Variants in MAFK observed in about 807,000 individuals in gnomAD.
The protein encoded by MAFK is transcription factor MafK.
MAFK carries 1 observed loss-of-function variant against 9.2 expected under a neutral mutation model. The ratio of observed to expected loss-of-function variants is 0.11; its 90% CI spans 0.04 to 0.52. The LOEUF is 0.52. Ranked by LOEUF, MAFK falls within the 20% of genes least tolerant of loss-of-function variation. The probability of loss-of-function intolerance (pLI) is 0.94; values close to 1 mark genes in which losing one functional copy is unlikely to be tolerated. For synonymous variants in MAFK, 110 were observed against 107.4 expected (o/e 1.02, Z -0.15); for missense variants, 207 against 236.0 (o/e 0.88, Z 0.81).
chr7:1,536,999 G>A (rs1784046673), intron 1 of MAFK, among the ~76,000 whole-genome samples: 2 of 152,260 alleles, frequency 1.3e-5, no homozygotes, highest in South Asian at 4.1e-4. Flanking sequence ...GTGCCTCGAA[G>A]TACTGGGGTT....
chr7:1,541,796 C>T lies in MAFK; in HGVS notation c.*1421C>T, dbSNP rs1408989968. 2.0e-5 allele frequency: 3 copies of T among 152,242 alleles called. No homozygotes were observed. The highest frequency in any genetic ancestry group is 3.2e-3 in the Middle Eastern group (1 of 316). 9.4% of individuals were successfully genotyped at this position (152,242 alleles called of 1,614,324 possible). The stretch of plus-strand genomic sequence containing the variant: ...GGGCTTCCTTTTCCTGGAGAGCCGC[C>T]TTGAGGGTCCCTCCTGTGACTGGGG... On this transcript the variant is annotated 3_prime_UTR_variant, in exon 3 of 3. Coordinates refer to ENST00000343242, the MANE Select transcript of MAFK (RefSeq NM_002360.4).
intron 1 of MAFK, chr7:1,538,419 G>A: frequency 1.0e-6 from 1 of 985,484 alleles, no homozygotes; most frequent in Non-Finnish European, 1.2e-6. Flanking sequence ...CAGCTTAGGT[G>A]GAGGTGGTGA....
chr7:1,535,168 T>A (rs770918741), intron 1 of MAFK, among the ~76,000 whole-genome samples: 125 of 138,804 alleles, frequency 9.0e-4, no homozygotes, highest in Non-Finnish European at 1.1e-3. Flanking sequence ...GCATTCGGCC[T>A]CCGGAGGCGT....
Position 1,540,527 on chromosome 7 carries a change from G to A in MAFK, c.*152G>A, listed in dbSNP as rs1583203908. On this transcript the variant is annotated 3_prime_UTR_variant, in exon 3 of 3. Transcript: ENST00000343242. ...AGGCAGCTCACACCAGGAAGAGACTGTATTGCAGGGTGAAGAGTGGGCTCC... is the reference window on the plus strand; with the variant it reads ...AGGCAGCTCACACCAGGAAGAGACTATATTGCAGGGTGAAGAGTGGGCTCC... 6 of 790,376 alleles carry A rather than the reference G, an allele frequency of 7.6e-6. No homozygotes were observed. The East Asian group carries it at 1.4e-4, about 18-fold the overall frequency. The allele number at this position is 790,376 out of a possible 1,614,324, so 49.0% of individuals were successfully genotyped here.
chr7:1,533,896 G>T (rs1300576881), intron 1 of MAFK, among the ~76,000 whole-genome samples: 8 of 152,112 alleles, frequency 5.3e-5, no homozygotes, highest in African/African-American at 1.9e-4. Flanking sequence ...TGCTGATGGG[G>T]AGCTGGAGGC....
At chr7:1,538,830 T>C (rs1456605546) in intron 1 of MAFK, 3 of 286,950 alleles carry the variant, frequency 1.0e-5, no homozygotes, top group Non-Finnish European at 2.0e-5. Context: ...AGCCCAGGTC[T>C]GCAGGGCAGC....
At chr7:1,537,903 C>T (rs908575956) in intron 1 of MAFK, 1 of 162,218 alleles carries the variant, frequency 6.2e-6, no homozygotes, top group Non-Finnish European at 1.3e-5. Context: ...AAGGACACCC[C>T]CCACCGCCGT....
chr7:1,537,325 G>T, intron 1 of MAFK: 1 of 953,594 alleles, frequency 1.0e-6, no homozygotes, highest in Non-Finnish European at 1.2e-6. Flanking sequence ...AGGCCCGGGT[G>T]TGTGGGAATG....
In MAFK at chr7:1,540,357, C is replaced by A; in HGVS notation, c.453C>A (p.Pro151=). The change falls in exon 3 of 3, where the codon CCC becomes CCA. Residue 151 remains proline (P), a synonymous_variant. Transcript: ENST00000343242. The stretch of plus-strand genomic sequence containing the variant: ...CCGAGCTCTCCTCCACCTCCGTGCC[C>A]TTCTCGGCTGCATCCTAGTGCCGGC... ...KSTELSSTSV[P]FSAAS is the part of the protein sequence containing the mutation. The A allele has an allele frequency of 7.0e-7, 1 of 1,432,830 alleles. No homozygotes were observed. Among genetic ancestry groups the A allele is most frequent in the Non-Finnish European group, 9.4e-7 (1 of 1,062,912 alleles). 88.8% of individuals were successfully genotyped at this position (1,432,830 alleles called of 1,614,324 possible). A position where few individuals can be genotyped will look rare whatever the true frequency, so the allele number is the denominator to read the frequency against.
Position 1,532,082 on chromosome 7 carries a change from T to A in MAFK, c.-45+1184T>A, listed in dbSNP as rs1215756004. The stretch of plus-strand genomic sequence containing the variant: ...GCCCCCCATCGTGGTCTAGGGGATA[T>A]CTGTGTGGTTCGGCTCTGGCAGCGC... On this transcript the variant is annotated intron_variant, in intron 1 of 2. Coordinates refer to ENST00000343242, the MANE Select transcript of MAFK (RefSeq NM_002360.4). The surrounding 1 kb of genome is among the most constrained non-coding windows in gnomAD (Gnocchi z 4.5). Among the ~76,000 whole-genome samples the A allele has an allele frequency of 2.0e-5, 3 of 152,138 alleles. No individual in the cohort carries two copies. Among genetic ancestry groups the A allele is most frequent in the Non-Finnish European group, 4.4e-5 (3 of 68,036 alleles).
Position 1,534,346 on chromosome 7 carries a change from C to A in MAFK, c.-45+3448C>A, listed in dbSNP as rs1477044117. 2.2e-6 allele frequency: 1 copy of A among 452,872 alleles called. No homozygotes were observed. The highest frequency in any genetic ancestry group is 4.5e-6 in the Non-Finnish European group (1 of 224,224). The allele number at this position is 452,872 out of a possible 1,614,324, so 28.1% of individuals were successfully genotyped here. ...ACTGGGTACCAGTGCCACAGCGGCC[C>A]CACCTACCCTTGCGGCCCAGTGTGG... On this transcript the variant is annotated intron_variant, in intron 1 of 2. Transcript: ENST00000343242. This position sits in a 1 kb window ranked among gnomAD's most constrained non-coding sequence, Gnocchi z 4.3.
At chr7:1,538,573 TC>T in intron 1 of MAFK, 1 of 416,870 alleles carries the variant, frequency 2.4e-6, no homozygotes, top group Non-Finnish European at 3.2e-6. Context: ...CTCTCGGGGA[TC>T]CAGGCTGGGT....
At chr7:1,531,259 GGGGGC>G (rs902548086) in intron 1 of MAFK, among the ~76,000 whole-genome samples, 4 of 150,610 alleles carry the variant, frequency 2.7e-5, no homozygotes, top group Non-Finnish European at 5.9e-5. Context: ...CACACCTGCG[GGGGGC>G]GGGGCGGGGC....
Position 1,530,776 on chromosome 7 carries a change from AGTCG to A in MAFK, c.-165_-162del, listed in dbSNP as rs1783882757. ...CGGGGGCACTTGTTGTTCTTCGCGA[AGTCG>A]GAGCCCGAGCGCCAGGCGGCGGCGG... is the stretch of plus-strand genomic sequence containing the variant. On this transcript the variant is annotated 5_prime_UTR_variant, in exon 1 of 3. An upstream open reading frame in the 5' UTR loses its in-frame stop. Transcript: ENST00000343242. 1 of 147,852 alleles carries A rather than the reference AGTCG, an allele frequency of 6.8e-6. No homozygotes were observed. The highest frequency in any genetic ancestry group is 1.5e-5 in the Non-Finnish European group (1 of 66,194). 9.2% of individuals were successfully genotyped at this position (147,852 alleles called of 1,614,324 possible). A position where few individuals can be genotyped will look rare whatever the true frequency, so the allele number is the denominator to read the frequency against.
At position 1,534,475 on chromosome 7, in the gene MAFK, G is replaced by C. The variant is rs1016164168; in HGVS notation, c.-45+3577G>C. 6.8e-6 allele frequency: 3 copies of C among 438,504 alleles called. No individual in the cohort carries two copies. Among genetic ancestry groups the C allele is most frequent in the East Asian group, 7.1e-5 (1 of 14,022 alleles). The allele number at this position is 438,504 out of a possible 1,614,324, so 27.2% of individuals were successfully genotyped here. ...GATTGCACCTGCCGTGGGAGTCACT[G>C]GTCGGGGGGCGGGAGGGCGCTTGCT... On this transcript the variant is annotated intron_variant, in intron 1 of 2. Coordinates refer to ENST00000343242, the MANE Select transcript of MAFK (RefSeq NM_002360.4). The surrounding 1 kb of genome is among the most constrained non-coding windows in gnomAD (Gnocchi z 4.3).
chr7:1,540,781 C>T lies in MAFK; in HGVS notation c.*406C>T, dbSNP rs1411385716. ...CTAGCATGGGGCTTGTTTTCCACTC[C>T]TGCTGTAAGCAGCCTTCGACACCTG... is the stretch of plus-strand genomic sequence containing the variant. On this transcript the variant is annotated 3_prime_UTR_variant, in exon 3 of 3. Transcript: ENST00000343242. 1 of 179,356 alleles carries T rather than the reference C, an allele frequency of 5.6e-6. No homozygotes were observed. Among genetic ancestry groups the T allele is most frequent in the Non-Finnish European group, 1.2e-5 (1 of 86,510 alleles). 11.1% of individuals were successfully genotyped at this position (179,356 alleles called of 1,614,324 possible).
Position 1,531,154 on chromosome 7 carries a change from C to A in MAFK, c.-45+256C>A, listed in dbSNP as rs1783895168. 2.7e-5 allele frequency among the ~76,000 whole-genome samples: 4 copies of A among 149,390 alleles called. No individual in the cohort carries two copies. The South Asian group carries it at 8.3e-4, about 31-fold the overall frequency. ...TCTCCCCTGCACGTGCCGCCCGGGC[C>A]ATGCTTGCCGCGCCGGGGGCCCCAG... On this transcript the variant is annotated intron_variant, in intron 1 of 2. Transcript: ENST00000343242.
At chr7:1,539,054 G>A (rs956910316) in intron 1 of MAFK, 95 bp from the exon 2 acceptor site, 11 of 927,206 alleles carry the variant, frequency 1.2e-5, no homozygotes, top group African/African-American at 5.0e-5. Flanking sequence ...TGTCCACCCC[G>A]GGCTGAGAAG....
At position 1,532,048 on chromosome 7, in the gene MAFK, C is replaced by G. The variant is rs1783918376; in HGVS notation, c.-45+1150C>G. ...TGGGAAGATCCTGAGACTCAAAACG[C>G]CCCCCACCGCCCCCCATCGTGGTCT... On this transcript the variant is annotated intron_variant, in intron 1 of 2. Coordinates refer to ENST00000343242, the MANE Select transcript of MAFK (RefSeq NM_002360.4). The surrounding 1 kb of genome is among the most constrained non-coding windows in gnomAD (Gnocchi z 4.5). Among the ~76,000 whole-genome samples the G allele has an allele frequency of 6.6e-6, 1 of 152,220 alleles. No homozygotes were observed. Among genetic ancestry groups the G allele is most frequent in the African/African-American group, 2.4e-5 (1 of 41,458 alleles).
Sources: gnomAD v4.1 joint callset for allele counts (sites outside exome capture counted in the v4.1 genomes callset) on GRCh38, gnomAD v4.1.1 for gene constraint, Gnocchi (gnomAD v3.1) non-coding constraint, MANE v1.5 for transcripts, NCBI Gene and HGNC (gene_info 2026-07-23, HGNC 2026-07-21) for gene names.